Variants in CSGALNACT1 observed in about 807,000 individuals in gnomAD.
The protein encoded by CSGALNACT1 is beta4GalNAcT-1.
In CSGALNACT1, 52 loss-of-function variants were observed where a neutral mutation model predicts 51.0. That is an observed-to-expected ratio of 1.02 (90% CI 0.82 to 1.29). The LOEUF (loss-of-function observed/expected upper bound fraction) is 1.29. CSGALNACT1 is among the 50% of genes most tolerant of loss of function. The pLI is 0.00. For missense variants in CSGALNACT1, 935 were observed against 679.2 expected, an observed-to-expected ratio of 1.38 and a Z score of -4.19; for synonymous variants, 341 against 254.4, an observed-to-expected ratio of 1.34 and a Z score of -3.24.
chr8:19,637,116 G>C (rs965475262), intron 1 of CSGALNACT1, among the ~76,000 whole-genome samples: 3 of 152,156 alleles, frequency 2.0e-5, no homozygotes, highest in Admixed American at 2.0e-4. Flanking sequence ...TGAGGCAGGA[G>C]AATCGCTTGA....
chr8:19,486,347 C>G (rs543600382), intron 4 of CSGALNACT1, among the ~76,000 whole-genome samples: 3 of 152,216 alleles, frequency 2.0e-5, no homozygotes, highest in Admixed American at 1.3e-4. Context: ...CCCTACCTCC[C>G]CAAGTCTATT....
At chr8:19,433,296 C>T (rs1165446859) in intron 6 of CSGALNACT1, among the ~76,000 whole-genome samples, 1 of 152,184 alleles carries the variant, frequency 6.6e-6, no homozygotes, top group Non-Finnish European at 1.5e-5. Context: ...TTATCCTTTA[C>T]TTCTTGCTTC....
chr8:19,492,598 T>G (rs1449855434), intron 4 of CSGALNACT1, among the ~76,000 whole-genome samples: 1 of 152,230 alleles, frequency 6.6e-6, no homozygotes, highest in African/African-American at 2.4e-5. Context: ...CCAGTCTGAC[T>G]TAGATTTTGC....
chr8:19,712,770 T>A (rs149276777), intron 1 of CSGALNACT1, among the ~76,000 whole-genome samples: 1 of 152,138 alleles, frequency 6.6e-6, no homozygotes, highest in East Asian at 1.9e-4. Flanking sequence ...TAAAGACAGA[T>A]GAGCATCTCA....
chr8:19,582,061 G>C (rs2045699262), intron 3 of CSGALNACT1, among the ~76,000 whole-genome samples: 1 of 152,034 alleles, frequency 6.6e-6, no homozygotes, highest in Admixed American at 6.6e-5. Context: ...AGAACTGCTG[G>C]GACAAAAAAT....
chr8:19,728,572 A>C (rs2063526740), intron 1 of CSGALNACT1, among the ~76,000 whole-genome samples: 1 of 152,104 alleles, frequency 6.6e-6, no homozygotes, highest in African/African-American at 2.4e-5. Context: ...GACTTGTTCT[A>C]ATCTGAGTAC....
At chr8:19,451,895 G>C (rs1251602502) in intron 5 of CSGALNACT1, among the ~76,000 whole-genome samples, 1 of 152,192 alleles carries the variant, frequency 6.6e-6, no homozygotes, top group Non-Finnish European at 1.5e-5. Context: ...CTAAAGCTGA[G>C]ATATATGAAG....
At chr8:19,508,752 A>G (rs1462259911) in intron 3 of CSGALNACT1, among the ~76,000 whole-genome samples, 1 of 152,242 alleles carries the variant, frequency 6.6e-6, no homozygotes, top group Non-Finnish European at 1.5e-5. Flanking sequence ...GGAAACTTAA[A>G]TTATGCTGTT....
chr8:19,726,278 G>A (rs1191228238), intron 1 of CSGALNACT1, among the ~76,000 whole-genome samples: 4 of 151,796 alleles, frequency 2.6e-5, no homozygotes, highest in Admixed American at 1.3e-4. Flanking sequence ...ATAGCCCTAT[G>A]GTTCTAAAAT....
Position 19,554,735 on chromosome 8 carries a change from T to G in CSGALNACT1, c.-297+36425A>C, listed in dbSNP as rs556790541. On this transcript the variant is annotated intron_variant, in intron 3 of 9. Transcript: ENST00000454498. ...GAGTTCAAGACCAGCCTGCCCTACA[T>G]GGTGAAACCCCGTCTCTACTAAAAA... Among the ~76,000 whole-genome samples the G allele has an allele frequency of 5.8e-4, 89 of 152,158 alleles. 1 individual carries two copies. In the South Asian group the frequency reaches 0.017, roughly 28 times the overall value.
At chr8:19,735,563 G>A (rs969948471) in intron 1 of CSGALNACT1, among the ~76,000 whole-genome samples, 1 of 152,000 alleles carries the variant, frequency 6.6e-6, no homozygotes, top group Admixed American at 6.5e-5. Flanking sequence ...TGCAGATATT[G>A]GAACTATCAA....
chr8:19,416,695 T>C (rs1054060377), intron 8 of CSGALNACT1, among the ~76,000 whole-genome samples: 2 of 152,150 alleles, frequency 1.3e-5, no homozygotes, highest in African/African-American at 4.8e-5. Flanking sequence ...GCTGTACAGG[T>C]TTGTAACCTA....
intron 5 of CSGALNACT1, among the ~76,000 whole-genome samples, chr8:19,447,140 T>C (rs1211441643): frequency 2.6e-5 from 4 of 152,164 alleles, no homozygotes; most frequent in Admixed American, 2.0e-4. Context: ...GGAGTTCCAA[T>C]GACCTGACAG....
chr8:19,485,405 GC>G (rs561836049), intron 4 of CSGALNACT1, among the ~76,000 whole-genome samples: 259 of 151,978 alleles, frequency 1.7e-3, no homozygotes, highest in African/African-American at 5.7e-3. Context: ...AAAATCCTAA[GC>G]CCCCAAGTCA....
chr8:19,589,290 T>A (rs116459037), intron 3 of CSGALNACT1, among the ~76,000 whole-genome samples: 2,322 of 152,308 alleles, frequency 0.015, 65 homozygotes, highest in African/African-American at 0.052. Context: ...AGCTACCTAA[T>A]TTTTCAACAT....
chr8:19,566,942 T>A (rs952317531), intron 3 of CSGALNACT1, among the ~76,000 whole-genome samples: 2 of 152,168 alleles, frequency 1.3e-5, no homozygotes, highest in African/African-American at 2.4e-5. Context: ...GCCAGGAGAC[T>A]CCAGGTATGT....
intron 1 of CSGALNACT1, among the ~76,000 whole-genome samples, chr8:19,662,134 G>C (rs887398179): frequency 3.8e-5 from 5 of 131,692 alleles, no homozygotes; most frequent in Admixed American, 2.8e-4. Context: ...CAGCAACTGA[G>C]GCTAGGTGCG....
chr8:19,505,173 C>T, intron 4 of CSGALNACT1, 28 bp downstream of exon 3: 1 of 1,613,908 alleles, frequency 6.2e-7, no homozygotes, highest in Non-Finnish European at 8.5e-7. Flanking sequence ...TTTTCTTCTC[C>T]TTTCCCCCCA....
intron 6 of CSGALNACT1, among the ~76,000 whole-genome samples, chr8:19,426,505 G>A (rs991267238): frequency 6.6e-6 from 1 of 152,170 alleles, no homozygotes; most frequent in Non-Finnish European, 1.5e-5. Flanking sequence ...CATTTATTAC[G>A]GTAGGATGGG....
Sources: allele counts gnomAD v4.1 joint callset (sites outside exome capture counted in the v4.1 genomes callset), GRCh38; gene constraint gnomAD v4.1.1; transcripts MANE v1.5; gene names NCBI Gene and HGNC (gene_info 2026-07-23, HGNC 2026-07-21).